CCDC7: variants seen among roughly 807,000 people sequenced by gnomAD.
The protein encoded by CCDC7 is coiled-coil domain containing 7, also known as coiled-coil domain-containing protein 7.
In CCDC7, 183 loss-of-function variants were observed where a neutral mutation model predicts 196.9. The ratio of observed to expected loss-of-function variants is 0.93; its 90% confidence interval spans 0.82 to 1.05. CCDC7 has a LOEUF of 1.05. Among genes scored for constraint, CCDC7 ranks in the 50% least tolerant of loss-of-function variants. The pLI, the probability that CCDC7 is intolerant of heterozygous loss-of-function variation, is 0.00. For synonymous variants in CCDC7, 525 were observed against 484.6 expected (o/e 1.08, Z -1.10); for missense variants, 1,540 against 1,482.2 (o/e 1.04, Z -0.64).
In CCDC7 at chr10:32,660,106, CTGTT is replaced by C. The variant is rs1365739109; in HGVS notation, c.2015-3946_2015-3943del. The stretch of plus-strand genomic sequence containing the variant: ...GACAAAGTCCTCTTTACTTTTTCCT[CTGTT>C]TTTCTTTTTTTTTTCTTTTTTTTTA... On this transcript the variant is annotated intron_variant, in intron 20 of 41. Coordinates refer to ENST00000639629, the Ensembl canonical transcript of CCDC7. Among the ~76,000 whole-genome samples the C allele has an allele frequency of 4.6e-5, 7 of 151,566 alleles. No homozygotes were observed. The South Asian group carries it at 1.0e-3, about 23-fold the overall frequency.
At chr10:32,675,221 A>G (rs557745274) in intron 21 of CCDC7, among the ~76,000 whole-genome samples, 20 of 147,670 alleles carry the variant, frequency 1.4e-4, no homozygotes, top group African/African-American at 4.6e-4. Flanking sequence ...TTATAATGAT[A>G]TACTTTATTT....
At chr10:32,483,578 T>G (rs990919300) in intron 8 of CCDC7, among the ~76,000 whole-genome samples, 2 of 152,246 alleles carry the variant, frequency 1.3e-5, no homozygotes, top group African/African-American at 4.8e-5. Context: ...CCCATGCCTA[T>G]GTCCTGAATG....
chr10:32,687,131 G>A (rs1266098408), intron 22 of CCDC7, among the ~76,000 whole-genome samples: 1 of 152,220 alleles, frequency 6.6e-6, no homozygotes, highest in Non-Finnish European at 1.5e-5. Flanking sequence ...AAGTACCATA[G>A]CATTAAGCTT....
intron 33 of CCDC7, among the ~76,000 whole-genome samples, chr10:32,838,328 A>G (rs1005229857): frequency 3.9e-5 from 6 of 152,062 alleles, no homozygotes; most frequent in Non-Finnish European, 8.8e-5. Context: ...GGACACACTT[A>G]GAGAAATGCT....
intron 11 of CCDC7, among the ~76,000 whole-genome samples, chr10:32,528,644 G>A (rs2049046211): frequency 1.0e-5 from 1 of 97,074 alleles, no homozygotes; most frequent in South Asian, 3.2e-4. Context: ...ATGTGTGTGT[G>A]TGTGTGTATA....
At chr10:32,558,909 C>G (rs923904014) in intron 13 of CCDC7, among the ~76,000 whole-genome samples, 3 of 152,222 alleles carry the variant, frequency 2.0e-5, no homozygotes, top group Admixed American at 2.0e-4. Context: ...AGTTCCCTTT[C>G]CTAGTCAAAG....
chr10:32,666,925 G>C (rs2072901006), intron 21 of CCDC7, among the ~76,000 whole-genome samples: 1 of 152,092 alleles, frequency 6.6e-6, no homozygotes, highest in African/African-American at 2.4e-5. Context: ...GGTATTTCTA[G>C]TTCTAGATCC....
Position 32,491,899 on chromosome 10 carries a change from AT to A in CCDC7, c.797-18del, listed in dbSNP as rs2042213078. On this transcript the variant is annotated intron_variant, in intron 8 of 41. Coordinates refer to ENST00000639629, the Ensembl canonical transcript of CCDC7. Reference sequence around the variant, plus strand: ...TTAAGCTATTTATAAAACCTTTAACATTTTTGACTTTTTAAATAATAGAAAC... The same window carrying A: ...TTAAGCTATTTATAAAACCTTTAACATTTTGACTTTTTAAATAATAGAAAC... 3 of 1,539,110 alleles carry A rather than the reference AT, an allele frequency of 1.9e-6. No individual in the cohort carries two copies. The South Asian group carries it at 3.9e-5, about 20-fold the overall frequency.
chr10:32,498,913 C>T (rs886151997), intron 9 of CCDC7, among the ~76,000 whole-genome samples: 5 of 151,482 alleles, frequency 3.3e-5, no homozygotes, highest in African/African-American at 4.9e-5. Context: ...TCTGTATTTC[C>T]TGAATTTGAA....
chr10:32,845,608 C>G (rs1322895505), exon 35 of CCDC7: 2 of 1,612,006 alleles, frequency 1.2e-6, no homozygotes, highest in East Asian at 2.2e-5. Flanking sequence ...AACCACGACA[C>G]AATTAAAAAG....
intron 18 of CCDC7, among the ~76,000 whole-genome samples, chr10:32,615,524 T>G (rs2062683543): frequency 6.6e-6 from 1 of 152,098 alleles, no homozygotes; most frequent in Admixed American, 6.6e-5. Context: ...TTTTAAATGT[T>G]TTTTTTCTTT....
exon 18 of CCDC7, chr10:32,584,235 G>A (rs1225675147): frequency 1.5e-5 from 24 of 1,574,128 alleles, no homozygotes; most frequent in Non-Finnish European, 2.1e-5. Context: ...TATTAAGGCT[G>A]ATGTTTCAGA....
intron 41 of CCDC7, among the ~76,000 whole-genome samples, chr10:32,855,209 T>C (rs1213066358): frequency 6.6e-6 from 1 of 152,088 alleles, no homozygotes; most frequent in Non-Finnish European, 1.5e-5. Flanking sequence ...TGTAAGTTTT[T>C]TTTTTTTTTA....
At chr10:32,451,913 C>G in exon 1 of CCDC7, 2 of 1,610,844 alleles carry the variant, frequency 1.2e-6, no homozygotes, top group Non-Finnish European at 1.7e-6. Flanking sequence ...TATCAAACAT[C>G]TGAAGATGGT....
At chr10:32,708,412 C>T (rs2080192608) in intron 24 of CCDC7, among the ~76,000 whole-genome samples, 1 of 152,134 alleles carries the variant, frequency 6.6e-6, no homozygotes, top group African/African-American at 2.4e-5. Context: ...TAGGCATGGA[C>T]AAAAACTTCA....
intron 20 of CCDC7, among the ~76,000 whole-genome samples, chr10:32,643,916 T>C (rs1353590025): frequency 1.3e-5 from 2 of 149,152 alleles, no homozygotes; most frequent in African/African-American, 4.9e-5. Context: ...TCAATTCATT[T>C]AATTGAATTG....
At chr10:32,793,342 G>T (rs1015007138) in intron 29 of CCDC7, among the ~76,000 whole-genome samples, 31 of 152,138 alleles carry the variant, frequency 2.0e-4, no homozygotes, top group African/African-American at 7.5e-4. Context: ...CTGTGGGAAA[G>T]GGAGGACATG....
intron 30 of CCDC7, among the ~76,000 whole-genome samples, chr10:32,813,124 C>T (rs767105530): frequency 2.0e-5 from 3 of 151,866 alleles, no homozygotes; most frequent in Non-Finnish European, 2.9e-5. Flanking sequence ...AACAACAAAC[C>T]GCTCTACAAT....
At chr10:32,499,174 T>C (rs894610232) in intron 9 of CCDC7, 3 of 150,642 alleles carry the variant, frequency 2.0e-5, no homozygotes. Context: ...AATGAACATA[T>C]GGCCTTTTCC....
Sources: allele counts gnomAD v4.1 joint callset (sites outside exome capture counted in the v4.1 genomes callset), GRCh38; gene constraint gnomAD v4.1.1; transcripts MANE v1.5; gene names NCBI Gene and HGNC (gene_info 2026-07-23, HGNC 2026-07-21).